Variants in TRDN observed in about 807,000 individuals in gnomAD.
The protein encoded by TRDN is triadin, also known as triadin in skeletal muscle.
TRDN carries 161 observed loss-of-function variants against 149.7 expected under a neutral mutation model. The observed-to-expected ratio is 1.08, with a 90% CI of 0.95 to 1.23. TRDN has a LOEUF of 1.23. Ranked by LOEUF, TRDN falls within the 50% of genes most tolerant of loss-of-function variation. The probability of loss-of-function intolerance (pLI) is 0.00; values close to 1 mark genes in which losing one functional copy is unlikely to be tolerated. For missense variants in TRDN, 896 were observed against 823.5 expected (o/e 1.09, Z -1.08); for synonymous variants, 294 against 250.5 (o/e 1.17, Z -1.64).
At chr6:123,259,260 T>C (rs2114585897) in intron 35 of TRDN, among the ~76,000 whole-genome samples, 1 of 152,230 alleles carries the variant, frequency 6.6e-6, no homozygotes, top group East Asian at 1.9e-4. Flanking sequence ...TTTCCCACTT[T>C]CTCTGTATCA....
intron 21 of TRDN, among the ~76,000 whole-genome samples, chr6:123,339,185 A>G (rs1331425694): frequency 6.6e-6 from 1 of 151,794 alleles, no homozygotes; most frequent in Non-Finnish European, 1.5e-5. Flanking sequence ...TTGTATTTTT[A>G]GTAGAGACAG....
At chr6:123,475,766 A>G (rs1206520273) in intron 9 of TRDN, among the ~76,000 whole-genome samples, 8 of 147,514 alleles carry the variant, frequency 5.4e-5, no homozygotes, top group Non-Finnish European at 1.2e-4. Flanking sequence ...ACGCAAATCA[A>G]TAAATGTAAT....
In TRDN at chr6:123,221,537, A is replaced by G. The variant is rs979770372; in HGVS notation, c.2015-15T>C. Reference sequence around the variant, plus strand: ...TTCAGTTCCTTCTAGTGGATAAAAAATATAAAAGTAAATAACTTGTACATT... The same window carrying G: ...TTCAGTTCCTTCTAGTGGATAAAAAGTATAAAAGTAAATAACTTGTACATT... On this transcript the variant is annotated splice_polypyrimidine_tract_variant and intron_variant, in intron 39 of 40. Coordinates refer to ENST00000334268, the MANE Select transcript of TRDN (RefSeq NM_006073.4). 1.3e-6 allele frequency: 2 copies of G among 1,538,942 alleles called. No homozygotes were observed. The highest frequency in any genetic ancestry group is 1.4e-5 in the African/African-American group (1 of 72,428).
chr6:123,403,042 T>C (rs924962232), intron 12 of TRDN, among the ~76,000 whole-genome samples: 1 of 152,184 alleles, frequency 6.6e-6, no homozygotes, highest in Admixed American at 6.5e-5. Flanking sequence ...TCTAAAGTCA[T>C]GCACATCGAA....
intron 1 of TRDN, among the ~76,000 whole-genome samples, chr6:123,574,656 C>T (rs923690048): frequency 1.3e-5 from 2 of 151,624 alleles, no homozygotes; most frequent in Admixed American, 6.6e-5. Flanking sequence ...AAGCAGAGAA[C>T]ACAAGAATTT....
At chr6:123,316,410 C>T (rs942234337) in intron 24 of TRDN, 47 bp downstream of exon 24, 1 of 1,570,516 alleles carries the variant, frequency 6.4e-7, no homozygotes. Flanking sequence ...TTTCTTCCAA[C>T]CAAACAGAAC....
chr6:123,408,019 A>C (rs1389722365), intron 12 of TRDN, among the ~76,000 whole-genome samples: 4 of 152,192 alleles, frequency 2.6e-5, no homozygotes, highest in African/African-American at 9.6e-5. Context: ...ATTGTGTGGC[A>C]TTGGTGAATC....
chr6:123,437,507 G>A, intron 12 of TRDN: 1 of 224,478 alleles, frequency 4.5e-6, no homozygotes, highest in Non-Finnish European at 8.6e-6. Context: ...CTGGGCTCAA[G>A]CAATGCTCCT....
rs75910619 is a variant in TRDN at position 123,504,616 on chromosome 6, G to A, written c.611-715C>T. On this transcript the variant is annotated intron_variant, in intron 7 of 40. Transcript: ENST00000334268. ...TAAACATATCATGGGAAATTCAAAG[G>A]GCTATAAATAAAAATATATATGAAT... Among the ~76,000 whole-genome samples, 524 of 151,138 alleles carry A rather than the reference G, an allele frequency of 3.5e-3. 24 individuals carry two copies. The East Asian group carries it at 0.093, about 27-fold the overall frequency.
chr6:123,540,437 A>T (rs1780768870), intron 4 of TRDN, among the ~76,000 whole-genome samples: 1 of 151,616 alleles, frequency 6.6e-6, no homozygotes, highest in South Asian at 2.1e-4. Context: ...TAATAACATG[A>T]TTAAAAAAAA....
rs1350243110 is a variant in TRDN, at chr6:123,510,400, T to C, written c.610+1903A>G. ...GAGGCTTCTAGCTAATTGCCTAAAA[T>C]GTATATTTTAAAAGATAAGGAAGAA... On this transcript the variant is annotated intron_variant, in intron 7 of 40. Transcript: ENST00000334268. 3.3e-5 allele frequency among the ~76,000 whole-genome samples: 5 copies of C among 152,064 alleles called. No individual in the cohort carries two copies. In the East Asian group the frequency reaches 9.6e-4, roughly 29 times the overall value.
chr6:123,587,724 G>A (rs2114608061), intron 1 of TRDN, among the ~76,000 whole-genome samples: 1 of 151,784 alleles, frequency 6.6e-6, no homozygotes, highest in East Asian at 1.9e-4. Context: ...GGGAGATAGG[G>A]GTGGAGCTGT....
At chr6:123,311,113 G>C (rs974908696) in intron 24 of TRDN, among the ~76,000 whole-genome samples, 1 of 151,920 alleles carries the variant, frequency 6.6e-6, no homozygotes. Flanking sequence ...AAGAAAAGAG[G>C]CTTAATTGAC....
At chr6:123,538,040 A>G (rs1216909741) in intron 4 of TRDN, among the ~76,000 whole-genome samples, 2 of 152,192 alleles carry the variant, frequency 1.3e-5, no homozygotes, top group Non-Finnish European at 2.9e-5. Flanking sequence ...TGGCAGATTC[A>G]GGAAGTTAAA....
At chr6:123,240,060 A>G (rs1443352717) in intron 38 of TRDN, among the ~76,000 whole-genome samples, 1 of 152,014 alleles carries the variant, frequency 6.6e-6, no homozygotes, top group East Asian at 1.9e-4. Context: ...CACAGAGATG[A>G]GAGACCAATA....
chr6:123,351,637 T>C, intron 21 of TRDN: 3 of 955,640 alleles, frequency 3.1e-6, no homozygotes, highest in Middle Eastern at 1.1e-3. Flanking sequence ...TTATTTGACA[T>C]GTGAGGGATT....
chr6:123,585,512 TGATG>T (rs1015320882), intron 1 of TRDN, among the ~76,000 whole-genome samples: 5 of 152,144 alleles, frequency 3.3e-5, no homozygotes, highest in Middle Eastern at 3.4e-3. Context: ...TCGGCATCCA[TGATG>T]GTCTAGGGGG....
chr6:123,456,727 C>G, intron 10 of TRDN: 1 of 445,136 alleles, frequency 2.2e-6, no homozygotes, highest in Admixed American at 2.4e-5. Flanking sequence ...CCTTGGCCTC[C>G]CAAAGTGTTG....
chr6:123,545,674 G>C (rs1781077551), intron 4 of TRDN, among the ~76,000 whole-genome samples: 1 of 151,784 alleles, frequency 6.6e-6, no homozygotes, highest in South Asian at 2.1e-4. Context: ...ATGTGTTGAA[G>C]GACATATATC....
Sources: allele counts gnomAD v4.1 joint callset (sites outside exome capture counted in the v4.1 genomes callset), GRCh38; gene constraint gnomAD v4.1.1; transcripts MANE v1.5; gene names NCBI Gene and HGNC (gene_info 2026-07-23, HGNC 2026-07-21).